Variants in HOMER1 observed in about 807,000 individuals in gnomAD.
HOMER1 encodes homer protein homolog 1.
In HOMER1, 3 loss-of-function variants were observed where a neutral mutation model predicts 48.9. The observed-to-expected ratio is 0.06, with a 90% CI of 0.03 to 0.16. The LOEUF (loss-of-function observed/expected upper bound fraction) is 0.16. Ranked by LOEUF, HOMER1 falls within the 10% of genes least tolerant of loss-of-function variation. The probability of loss-of-function intolerance (pLI) is 1.00; values close to 1 mark genes in which losing one functional copy is unlikely to be tolerated. For synonymous variants in HOMER1, 134 were observed against 146.4 expected, an observed-to-expected ratio of 0.92 and a Z score of 0.61; for missense variants, 247 against 411.4, an observed-to-expected ratio of 0.60 and a Z score of 3.46.
intron 1 of HOMER1, among the ~76,000 whole-genome samples, chr5:79,483,737 T>C (rs1400404072): frequency 6.9e-6 from 1 of 144,114 alleles, no homozygotes; most frequent in Non-Finnish European, 1.5e-5. Context: ...CTTTAAAAGA[T>C]AATTGACCGT....
chr5:79,500,703 T>C (rs1274899441), intron 1 of HOMER1, among the ~76,000 whole-genome samples: 1 of 151,920 alleles, frequency 6.6e-6, no homozygotes, highest in Non-Finnish European at 1.5e-5. Context: ...CTCAGCTCAC[T>C]GCAACCTGTC....
At chr5:79,507,612 G>A (rs1007657519) in intron 1 of HOMER1, among the ~76,000 whole-genome samples, 5 of 151,418 alleles carry the variant, frequency 3.3e-5, no homozygotes, top group Admixed American at 2.0e-4. Context: ...TTAAGCACTC[G>A]GCACTCATTT....
chr5:79,379,115 A>ATATATATATTATATAT (rs1349080228), intron 8 of HOMER1, among the ~76,000 whole-genome samples: 1 of 55,622 alleles, frequency 1.8e-5, no homozygotes, highest in African/African-American at 7.2e-5. Flanking sequence ...TATATATATA[A>ATATATATATTATATAT]AATATATAAA....
chr5:79,485,532 A>G (rs1375609610), intron 1 of HOMER1, among the ~76,000 whole-genome samples: 1 of 152,208 alleles, frequency 6.6e-6, no homozygotes, highest in Non-Finnish European at 1.5e-5. Context: ...TGCGAATGTA[A>G]TACATGATAT....
chr5:79,397,470 T>C (rs1025349171), intron 7 of HOMER1, 57 bp downstream of exon 7: 2 of 1,025,142 alleles, frequency 2.0e-6, no homozygotes, highest in Non-Finnish European at 3.0e-6. Flanking sequence ...ACATGGAATC[T>C]AATACTTTGT....
At chr5:79,496,516 A>G (rs1752425206) in intron 1 of HOMER1, among the ~76,000 whole-genome samples, 1 of 152,184 alleles carries the variant, frequency 6.6e-6, no homozygotes, top group Non-Finnish European at 1.5e-5. Context: ...AGTGTCATAG[A>G]AAAACTTACC....
intron 4 of HOMER1, among the ~76,000 whole-genome samples, chr5:79,440,396 T>C (rs931592698): frequency 6.6e-6 from 1 of 152,224 alleles, no homozygotes; most frequent in Non-Finnish European, 1.5e-5. Flanking sequence ...CATAATGCTA[T>C]AAACTATACA....
At chr5:79,471,806 T>C (rs1302521665) in intron 1 of HOMER1, among the ~76,000 whole-genome samples, 1 of 152,170 alleles carries the variant, frequency 6.6e-6, no homozygotes, top group Non-Finnish European at 1.5e-5. Context: ...ACAGTGGCCT[T>C]CCTGATGTTT....
rs1748735649 is a variant in HOMER1, at chr5:79,375,114, T to C, written c.*895A>G. ...CATTCAGAAAAGATTTCTTGCAAAA[T>C]ATATAAATAAATGTAACTGCATATT... On this transcript the variant is annotated 3_prime_UTR_variant, in exon 9 of 9. Transcript: ENST00000334082. The C allele has an allele frequency of 6.6e-6, 1 of 152,080 alleles. No individual in the cohort carries two copies. 9.4% of individuals were successfully genotyped at this position (152,080 alleles called of 1,614,324 possible). A position where few individuals can be genotyped will look rare whatever the true frequency, so the allele number is the denominator to read the frequency against.
chr5:79,507,212 CAAAAA>C (rs34697575), intron 1 of HOMER1, among the ~76,000 whole-genome samples: 2 of 51,902 alleles, frequency 3.9e-5, no homozygotes, highest in Admixed American at 2.5e-4. Flanking sequence ...GGCTCTATCT[CAAAAA>C]AAAAAAAAAA....
At chr5:79,461,577 T>A (rs1751318894) in intron 1 of HOMER1, among the ~76,000 whole-genome samples, 1 of 152,180 alleles carries the variant, frequency 6.6e-6, no homozygotes, top group Admixed American at 6.5e-5. Flanking sequence ...AAGAAACCAA[T>A]CTAACACCAA....
intron 1 of HOMER1, among the ~76,000 whole-genome samples, chr5:79,480,128 T>TA (rs746397864): frequency 2.0e-4 from 29 of 145,102 alleles, no homozygotes; most frequent in Non-Finnish European, 2.9e-4. Context: ...GTAAAAAGAA[T>TA]AAAAAAAAAG....
chr5:79,496,770 T>C lies in HOMER1; in HGVS notation c.5+16000A>G, dbSNP rs577502432. ...CACAAAAGAAAGATAATTCCGCGAATAGAAAAATTTCTGGCCAGGCACGGT... is the reference window on the plus strand; with the variant it reads ...CACAAAAGAAAGATAATTCCGCGAACAGAAAAATTTCTGGCCAGGCACGGT... On this transcript the variant is annotated intron_variant, in intron 1 of 8. Coordinates refer to ENST00000334082, the MANE Select transcript of HOMER1 (RefSeq NM_004272.5). Among the ~76,000 whole-genome samples, 6 of 152,122 alleles carry C rather than the reference T, an allele frequency of 3.9e-5. No homozygotes were observed. In the East Asian group the frequency reaches 7.7e-4, roughly 20 times the overall value.
At chr5:79,503,066 C>G (rs770317654) in intron 1 of HOMER1, among the ~76,000 whole-genome samples, 1 of 152,074 alleles carries the variant, frequency 6.6e-6, no homozygotes, top group African/African-American at 2.4e-5. Context: ...GGATTACAGG[C>G]GTGAGCCACT....
At chr5:79,431,610 G>T (rs1176351632) in intron 5 of HOMER1, among the ~76,000 whole-genome samples, 1 of 152,050 alleles carries the variant, frequency 6.6e-6, no homozygotes, top group Admixed American at 6.5e-5. Context: ...TATACCTGAG[G>T]TAGTTGTTAT....
At chr5:79,389,270 GAA>G (rs200101967) in intron 8 of HOMER1, among the ~76,000 whole-genome samples, 11 of 148,368 alleles carry the variant, frequency 7.4e-5, no homozygotes, top group African/African-American at 2.7e-4. Context: ...GAATACATGA[GAA>G]AAAAAAAAGT....
chr5:79,506,648 G>C (rs1454297721), intron 1 of HOMER1, among the ~76,000 whole-genome samples: 1 of 152,060 alleles, frequency 6.6e-6, no homozygotes, highest in Non-Finnish European at 1.5e-5. Flanking sequence ...ACGAGCCTGG[G>C]CAACATGATG....
Position 79,451,104 on chromosome 5 carries a change from G to A in HOMER1, c.180C>T (p.Thr60=), listed in dbSNP as rs1216058833. ...LDGSKAIINS[T]ITPNMTFTKT... ...TAGTAAATGTCATGTTTGGGGTGAT[G>A]GTACTATTTATTATTGCCTAAAAAA... Residue 60 remains threonine (T), a synonymous_variant, in exon 3 of 9, where the codon ACC becomes ACT. Coordinates refer to ENST00000334082, the MANE Select transcript of HOMER1 (RefSeq NM_004272.5). The A allele has an allele frequency of 6.2e-7, 1 of 1,613,182 alleles. No homozygotes were observed. The highest frequency in any genetic ancestry group is 8.5e-7 in the Non-Finnish European group (1 of 1,179,432).
chr5:79,476,712 T>C (rs1012124443), intron 1 of HOMER1, among the ~76,000 whole-genome samples: 1 of 152,144 alleles, frequency 6.6e-6, no homozygotes, highest in Non-Finnish European at 1.5e-5. Context: ...TCTCCAGGCA[T>C]GCTGTCCTCC....
Sources: gnomAD v4.1 joint callset for allele counts (sites outside exome capture counted in the v4.1 genomes callset) on GRCh38, gnomAD v4.1.1 for gene constraint, MANE v1.5 for transcripts, NCBI Gene and HGNC (gene_info 2026-07-23, HGNC 2026-07-21) for gene names.